The following ADCY1 variants were observed in gnomAD, a reference collection of about 807,000 sequenced individuals.
ADCY1 encodes the protein adenylate cyclase type 1.
Under a neutral mutation model 105.4 loss-of-function variants are expected in ADCY1, and 28 were observed. That is an observed-to-expected ratio of 0.27 (90% CI 0.20 to 0.36). ADCY1 has a LOEUF of 0.36. ADCY1 is among the 10% of genes least tolerant of loss of function. ADCY1 has a pLI of 1.00. For missense variants in ADCY1, 977 were observed against 1,434.2 expected (o/e 0.68, Z 5.15); for synonymous variants, 655 against 623.8 (o/e 1.05, Z -0.75).
intron 2 of ADCY1, among the ~76,000 whole-genome samples, chr7:45,600,683 A>C (rs370955955): frequency 1.3e-5 from 2 of 152,200 alleles, no homozygotes; most frequent in Non-Finnish European, 2.9e-5. Context: ...ATTTCCTCAC[A>C]GTTCTGGAGG....
chr7:45,588,869 ATGTGTGTGTGTGTGTG>A (rs55962124), intron 1 of ADCY1, among the ~76,000 whole-genome samples: 3 of 149,050 alleles, frequency 2.0e-5, no homozygotes, highest in African/African-American at 7.4e-5. Flanking sequence ...CATTGCGTGT[ATGTGTGTGTGTGTGTG>A]TGTGTGTGTA....
At chr7:45,625,954 A>G (rs1055454146) in intron 4 of ADCY1, among the ~76,000 whole-genome samples, 12 of 152,220 alleles carry the variant, frequency 7.9e-5, no homozygotes, top group African/African-American at 2.9e-4. Context: ...GTGACCATGC[A>G]GGATTGTGGT....
At chr7:45,642,445 G>A (rs551412839) in intron 4 of ADCY1, among the ~76,000 whole-genome samples, 2 of 152,268 alleles carry the variant, frequency 1.3e-5, no homozygotes, top group Non-Finnish European at 2.9e-5. Flanking sequence ...GAATTAGCTA[G>A]TCTTGGGATT....
intron 4 of ADCY1, among the ~76,000 whole-genome samples, chr7:45,642,816 G>T (rs1184086511): frequency 6.6e-6 from 1 of 152,128 alleles, no homozygotes; most frequent in East Asian, 1.9e-4. Flanking sequence ...GACATTTTGT[G>T]TTGCATTTGA....
At chr7:45,586,840 C>T (rs888661909) in intron 1 of ADCY1, among the ~76,000 whole-genome samples, 1 of 152,206 alleles carries the variant, frequency 6.6e-6, no homozygotes, top group Non-Finnish European at 1.5e-5. Flanking sequence ...GTGCAGGGAG[C>T]AGTTGTGTGG....
chr7:45,696,973 A>T (rs1433480147), intron 14 of ADCY1, among the ~76,000 whole-genome samples: 1 of 152,136 alleles, frequency 6.6e-6, no homozygotes, highest in African/African-American at 2.4e-5. Flanking sequence ...GCTGAAGAGG[A>T]CTTCCTGGAG....
rs953286716 is a variant in ADCY1, at chr7:45,686,819, C to T, written c.2454+146C>T. ...TCCTCAGCAGCATGCAAGCCAGGCA[C>T]TGTCCGGGGATGGAGGAGACCTATG... On this transcript the variant is annotated intron_variant, in intron 14 of 19. Transcript: ENST00000297323. The surrounding 1 kb of genome is among the most constrained non-coding windows in gnomAD (Gnocchi z 4.3). 39 of 1,260,376 alleles carry T rather than the reference C, an allele frequency of 3.1e-5. No homozygotes were observed. The highest frequency in any genetic ancestry group is 3.4e-5 in the Non-Finnish European group (32 of 939,442). 78.1% of individuals were successfully genotyped at this position (1,260,376 alleles called of 1,614,324 possible).
At chr7:45,598,248 C>T (rs911507857) in intron 2 of ADCY1, among the ~76,000 whole-genome samples, 5 of 152,270 alleles carry the variant, frequency 3.3e-5, no homozygotes, top group South Asian at 2.1e-4. Flanking sequence ...AGGGTGAGCC[C>T]GGGATCTTCC....
intron 1 of ADCY1, among the ~76,000 whole-genome samples, chr7:45,583,949 T>TTG (rs1562673085): frequency 3.6e-5 from 5 of 139,186 alleles, no homozygotes; most frequent in African/African-American, 1.3e-4. Flanking sequence ...TTTTTTTTTT[T>TTG]TTTTTTTTTT....
Position 45,660,085 on chromosome 7 carries a change from G to T in ADCY1, c.1351G>T (p.Asp451Tyr). The T allele has an allele frequency of 1.1e-5, 17 of 1,614,210 alleles. No homozygotes were observed. Among genetic ancestry groups the T allele is most frequent in the Non-Finnish European group, 1.4e-5 (16 of 1,180,046 alleles). The change falls in exon 7 of 20, where the codon GAC becomes TAC. Residue 451 changes from aspartate to tyrosine, a missense_variant. This residue lies in a region of ADCY1 where 66 missense variants were observed against 127.2 expected (regional missense o/e 0.52). Coordinates refer to ENST00000297323, the MANE Select transcript of ADCY1 (RefSeq NM_021116.4). ...TKTTLACLNG[D>Y]YEVEPGYGHE... ...GACGACCCTAGCGTGCTTGAATGGG[G>T]ACTACGAGGTAGAACCGGGTTACGG...
intron 8 of ADCY1, among the ~76,000 whole-genome samples, chr7:45,663,109 C>T (rs1170763869): frequency 6.6e-6 from 1 of 152,208 alleles, no homozygotes; most frequent in Non-Finnish European, 1.5e-5. Context: ...GGAACAGGTG[C>T]AGTCTGTGTG....
At chr7:45,622,494 T>C in intron 3 of ADCY1, 138 bp from the exon 4 acceptor site, 1 of 647,908 alleles carries the variant, frequency 1.5e-6, no homozygotes, top group Non-Finnish European at 2.7e-6. Context: ...CAGGAAGCCT[T>C]CATTTCTGGT....
rs1383806055 is a variant in ADCY1, at chr7:45,606,060, A to G, written c.790-4319A>G. 5.3e-5 allele frequency among the ~76,000 whole-genome samples: 8 copies of G among 152,184 alleles called. No homozygotes were observed. The East Asian group carries it at 1.5e-3, about 29-fold the overall frequency. On this transcript the variant is annotated intron_variant, in intron 2 of 19. Transcript: ENST00000297323. The stretch of plus-strand genomic sequence containing the variant: ...TCCACACTGGGCCTCTGTTGACACC[A>G]TGTGGGGAGGGCTCCTTCTTACTGC...
Position 45,575,166 on chromosome 7 carries a change from C to T in ADCY1, c.623C>T (p.Pro208Leu). The T allele has an allele frequency of 6.2e-7, 1 of 1,605,214 alleles. No individual in the cohort carries two copies. Among genetic ancestry groups the T allele is most frequent in the Non-Finnish European group, 8.5e-7 (1 of 1,176,042 alleles). Reference sequence around the variant, plus strand: ...GCCACCTTGGTCCCCGCCAAGCGCCCACGTCTCTGGAGGACGGTAAGTGCA... The same window carrying T: ...GCCACCTTGGTCCCCGCCAAGCGCCTACGTCTCTGGAGGACGGTAAGTGCA... ...VTATLVPAKR[P>L]RLWRTLGANA... Residue 208 changes from proline (P) to leucine (L), a missense_variant, in exon 1 of 20, where the codon CCA becomes CTA. By Grantham distance (98) the Pro-to-Leu change is moderately conservative. Coordinates refer to ENST00000297323, the MANE Select transcript of ADCY1 (RefSeq NM_021116.4). The surrounding 1 kb of genome is among the most constrained non-coding windows in gnomAD (Gnocchi z 4.7).
chr7:45,618,327 A>T (rs1339517567), intron 3 of ADCY1, among the ~76,000 whole-genome samples: 1 of 152,226 alleles, frequency 6.6e-6, no homozygotes, highest in African/African-American at 2.4e-5. Flanking sequence ...CAGATGTTTT[A>T]TGGCTAAGAC....
chr7:45,689,518 C>T (rs1241061292), intron 14 of ADCY1, among the ~76,000 whole-genome samples: 1 of 152,084 alleles, frequency 6.6e-6, no homozygotes, highest in Non-Finnish European at 1.5e-5. Context: ...AGGTGCCACA[C>T]ACTTTAAAAC....
chr7:45,588,150 T>C (rs1218447818), intron 1 of ADCY1, among the ~76,000 whole-genome samples: 1 of 152,238 alleles, frequency 6.6e-6, no homozygotes, highest in Non-Finnish European at 1.5e-5. Flanking sequence ...CAATACTGCT[T>C]TGTGTTGCTC....
At chr7:45,602,421 A>G (rs1289568759) in intron 2 of ADCY1, among the ~76,000 whole-genome samples, 2 of 152,048 alleles carry the variant, frequency 1.3e-5, no homozygotes, top group African/African-American at 2.4e-5. Context: ...CTTCCATACT[A>G]TGGAGCTGGC....
chr7:45,673,105 A>C (rs1269603335), intron 8 of ADCY1, among the ~76,000 whole-genome samples: 1 of 152,126 alleles, frequency 6.6e-6, no homozygotes, highest in Non-Finnish European at 1.5e-5. Flanking sequence ...TTGATGTTCA[A>C]ATATTTGACC....
Sources: gnomAD v4.1 joint callset for allele counts (sites outside exome capture counted in the v4.1 genomes callset) on GRCh38, gnomAD v4.1.1 for gene constraint, gnomAD v4.1.1 regional missense constraint, Gnocchi (gnomAD v3.1) non-coding constraint, MANE v1.5 for transcripts, NCBI Gene and HGNC (gene_info 2026-07-23, HGNC 2026-07-21) for gene names.